SYN2: variants seen among roughly 807,000 people sequenced by gnomAD.
SYN2 encodes the protein synapsin II, also known as synapsin-2.
Under a neutral mutation model 50.9 loss-of-function variants are expected in SYN2, and 19 were observed. The observed-to-expected ratio is 0.37, with a 90% CI of 0.26 to 0.55. The LOEUF is 0.55. Among genes scored for constraint, SYN2 ranks in the 20% least tolerant of loss-of-function variants. The pLI, the probability that SYN2 is intolerant of heterozygous loss-of-function variation, is 0.81. For synonymous variants in SYN2, 255 were observed against 224.9 expected (o/e 1.13, Z -1.20); for missense variants, 587 against 576.4 (o/e 1.02, Z -0.19).
At chr3:12,101,362 T>C (rs1340669952) in intron 1 of SYN2, among the ~76,000 whole-genome samples, 1 of 152,148 alleles carries the variant, frequency 6.6e-6, no homozygotes, top group Admixed American at 6.6e-5. Context: ...TAAAACATTA[T>C]GCTAAGTGAG....
chr3:12,039,363 C>T (rs576091167), intron 1 of SYN2, among the ~76,000 whole-genome samples: 10 of 152,160 alleles, frequency 6.6e-5, no homozygotes, highest in South Asian at 4.2e-4. Flanking sequence ...TGACATTGTA[C>T]AGAGGGAAAT....
At chr3:12,101,583 A>G (rs913503701) in intron 1 of SYN2, among the ~76,000 whole-genome samples, 1 of 152,226 alleles carries the variant, frequency 6.6e-6, no homozygotes, top group African/African-American at 2.4e-5. Context: ...CAACTTGTGA[A>G]TATCCAAACA....
intron 1 of SYN2, among the ~76,000 whole-genome samples, chr3:12,045,001 C>A (rs1284325005): frequency 2.6e-5 from 4 of 152,074 alleles, no homozygotes; most frequent in African/African-American, 9.7e-5. Flanking sequence ...CAAGGTCATG[C>A]AGCTAAGAAG....
intron 5 of SYN2, among the ~76,000 whole-genome samples, chr3:12,159,920 G>A (rs1477913806): frequency 2.0e-5 from 3 of 151,962 alleles, no homozygotes; most frequent in Admixed American, 1.3e-4. Context: ...GCCTACACCT[G>A]TAGTCCCAGG....
chr3:12,016,627 C>CG (rs1221811549), intron 1 of SYN2, among the ~76,000 whole-genome samples: 5 of 152,120 alleles, frequency 3.3e-5, no homozygotes, highest in Non-Finnish European at 7.4e-5. Flanking sequence ...GAAGCTGAGG[C>CG]GGGCAGATCA....
At chr3:12,082,085 A>C (rs570913444) in intron 1 of SYN2, among the ~76,000 whole-genome samples, 61 of 152,272 alleles carry the variant, frequency 4.0e-4, no homozygotes, top group African/African-American at 1.4e-3. Flanking sequence ...AAGATATATT[A>C]CTGTGAAAGA....
rs371014226 is a variant in SYN2, at chr3:12,184,662, G to C, written c.1369+1290G>C. ...TCAGATTTAGCTTGTGTGTGTTTTG[G>C]ACAGAGGCTCCACAGCGGTGGCTCT... On this transcript the variant is annotated intron_variant, in intron 11 of 12. Coordinates refer to ENST00000621198, the MANE Select transcript of SYN2 (RefSeq NM_133625.6). 6.1e-6 allele frequency: 6 copies of C among 985,892 alleles called. No individual in the cohort carries two copies. In the African/African-American group the frequency reaches 7.0e-5, roughly 11 times the overall value. 61.1% of individuals were successfully genotyped at this position (985,892 alleles called of 1,614,324 possible). A position where few individuals can be genotyped will look rare whatever the true frequency, so the allele number is the denominator to read the frequency against.
chr3:12,146,890 A>C (rs1697161474), intron 4 of SYN2, among the ~76,000 whole-genome samples: 1 of 152,086 alleles, frequency 6.6e-6, no homozygotes, highest in Non-Finnish European at 1.5e-5. Context: ...TCACATCCTC[A>C]TTGGCTTGCA....
intron 1 of SYN2, among the ~76,000 whole-genome samples, chr3:12,093,859 A>ATTT (rs34441908): frequency 0.038 from 5,533 of 144,064 alleles, 173 homozygotes; most frequent in East Asian, 0.14. Context: ...CTGCCCTGCA[A>ATTT]TTTTTTTTTT....
intron 1 of SYN2, among the ~76,000 whole-genome samples, chr3:12,082,873 G>A (rs1268945634): frequency 9.9e-5 from 15 of 152,062 alleles, no homozygotes; most frequent in Admixed American, 9.8e-4. Context: ...TAAAGGATTT[G>A]AACTTTTTTA....
intron 10 of SYN2, among the ~76,000 whole-genome samples, chr3:12,181,468 T>C (rs1050342248): frequency 3.3e-5 from 5 of 152,234 alleles, no homozygotes; most frequent in Non-Finnish European, 7.3e-5. Flanking sequence ...AGCAGCTGTT[T>C]ATGACATAAA....
rs183668624 is a variant in SYN2, at chr3:12,041,611, A to G, written c.377+36683A>G. Reference sequence around the variant, plus strand: ...AGTGAAGATGAGCATGTTTTGGATTAGAGCCACAGCCTTCTAGTTCGTGTC... The same window carrying G: ...AGTGAAGATGAGCATGTTTTGGATTGGAGCCACAGCCTTCTAGTTCGTGTC... On this transcript the variant is annotated intron_variant, in intron 1 of 12. Transcript: ENST00000621198. Among the ~76,000 whole-genome samples, 29 of 152,296 alleles carry G rather than the reference A, an allele frequency of 1.9e-4. 1 individual carries two copies. In the East Asian group the frequency reaches 4.6e-3, roughly 24 times the overall value.
At chr3:12,012,190 C>T (rs1693923804) in intron 1 of SYN2, among the ~76,000 whole-genome samples, 1 of 151,546 alleles carries the variant, frequency 6.6e-6, no homozygotes. Context: ...AAAAACATTA[C>T]CCATTAACTC....
At chr3:12,058,169 C>A (rs752217420) in intron 1 of SYN2, among the ~76,000 whole-genome samples, 5 of 152,100 alleles carry the variant, frequency 3.3e-5, no homozygotes, top group African/African-American at 4.8e-5. Context: ...ATTTGGTAGA[C>A]CATTTGCATG....
rs35864647 is a variant in SYN2, at chr3:12,027,951, C to CTTT, written c.377+23035_377+23037dup. On this transcript the variant is annotated intron_variant, in intron 1 of 12. Transcript: ENST00000621198. ...TAGAGGAAAGAGGTTATAAGTAATT[C>CTTT]TTTTTTTTTTTTTTACTGTGCTCTA... Among the ~76,000 whole-genome samples the CTTT allele has an allele frequency of 7.1e-5, 10 of 141,116 alleles. No homozygotes were observed. The South Asian group carries it at 1.3e-3, about 19-fold the overall frequency. 92.6% of individuals were successfully genotyped at this position (141,116 alleles called of 152,430 possible). A position where few individuals can be genotyped will look rare whatever the true frequency, so the allele number is the denominator to read the frequency against.
chr3:12,172,391 A>G (rs1226075541), intron 10 of SYN2, among the ~76,000 whole-genome samples: 2 of 152,236 alleles, frequency 1.3e-5, no homozygotes, highest in African/African-American at 4.8e-5. Flanking sequence ...CTCAAGTTTG[A>G]CAGTTCTCTG....
At chr3:12,135,476 T>C (rs534488622) in intron 1 of SYN2, among the ~76,000 whole-genome samples, 11 of 152,188 alleles carry the variant, frequency 7.2e-5, no homozygotes, top group Non-Finnish European at 1.2e-4. Flanking sequence ...TTTACAGAGC[T>C]CTGGGAAGTC....
intron 1 of SYN2, among the ~76,000 whole-genome samples, chr3:12,018,048 T>A (rs1481578487): frequency 1.3e-5 from 2 of 152,144 alleles, no homozygotes; most frequent in Non-Finnish European, 1.5e-5. Context: ...CTATTCTCAT[T>A]TTACATATGA....
intron 1 of SYN2, among the ~76,000 whole-genome samples, chr3:12,096,972 A>G (rs1475479433): frequency 6.6e-6 from 1 of 152,162 alleles, no homozygotes; most frequent in East Asian, 1.9e-4. Context: ...CAGAGAGAAT[A>G]TTTGAAGAAA....
Sources: allele counts gnomAD v4.1 joint callset (sites outside exome capture counted in the v4.1 genomes callset), GRCh38; gene constraint gnomAD v4.1.1; transcripts MANE v1.5; gene names NCBI Gene and HGNC (gene_info 2026-07-23, HGNC 2026-07-21).